Variants in MAN1A1 observed in about 807,000 individuals in gnomAD.
MAN1A1 encodes mannosidase alpha class 1A member 1.
A neutral mutation model predicts 70.8 loss-of-function variants in MAN1A1; 29 were observed. That is an observed-to-expected ratio of 0.41 (90% CI 0.31 to 0.56). The LOEUF is 0.56. MAN1A1 is among the 20% of genes least tolerant of loss of function. The pLI, the probability that MAN1A1 is intolerant of heterozygous loss-of-function variation, is 0.29. For missense variants in MAN1A1, 747 were observed against 841.3 expected, an observed-to-expected ratio of 0.89 and a Z score of 1.39; for synonymous variants, 349 against 330.1, an observed-to-expected ratio of 1.06 and a Z score of -0.62.
At chr6:119,200,101 A>T (rs1204717064) in intron 8 of MAN1A1, among the ~76,000 whole-genome samples, 1 of 152,226 alleles carries the variant, frequency 6.6e-6, no homozygotes, top group Non-Finnish European at 1.5e-5. Context: ...AGAGGCAGAA[A>T]GAGAGATGAG....
At chr6:119,182,687 T>C (rs1773184302) in intron 11 of MAN1A1, among the ~76,000 whole-genome samples, 1 of 152,192 alleles carries the variant, frequency 6.6e-6, no homozygotes, top group Non-Finnish European at 1.5e-5. Context: ...CCATCTGCAA[T>C]CTGGTTCTCA....
chr6:119,342,219 A>G (rs195085), intron 2 of MAN1A1, among the ~76,000 whole-genome samples: 28,993 of 152,142 alleles, frequency 0.19, 3,188 homozygotes, highest in East Asian at 0.32. Flanking sequence ...GGTATGGAAG[A>G]TCTTTTTGAT....
intron 6 of MAN1A1, among the ~76,000 whole-genome samples, chr6:119,241,142 C>A (rs1240106149): frequency 6.6e-6 from 1 of 152,010 alleles, no homozygotes; most frequent in Non-Finnish European, 1.5e-5. Flanking sequence ...ACTTTCTAGT[C>A]TCACTGGATT....
chr6:119,298,807 A>C (rs548709547), intron 4 of MAN1A1, among the ~76,000 whole-genome samples: 83 of 152,110 alleles, frequency 5.5e-4, no homozygotes, highest in African/African-American at 2.0e-3. Context: ...CATGTTAGCC[A>C]GGATGGTCTT....
intron 11 of MAN1A1, among the ~76,000 whole-genome samples, chr6:119,185,351 A>C (rs1443504238): frequency 6.6e-6 from 1 of 152,156 alleles, no homozygotes; most frequent in East Asian, 1.9e-4. Flanking sequence ...TTCACATCTT[A>C]TTTGACATTA....
intron 5 of MAN1A1, among the ~76,000 whole-genome samples, chr6:119,279,523 A>C (rs9489657): frequency 0.041 from 6,278 of 152,256 alleles, 146 homozygotes; most frequent in African/African-American, 0.054. Context: ...ACTGTCCAGA[A>C]CCTCTACCAT....
chr6:119,210,955 C>G (rs936182173), intron 6 of MAN1A1: 1 of 436,246 alleles, frequency 2.3e-6, no homozygotes, highest in East Asian at 7.4e-5. Flanking sequence ...CATATTGAGT[C>G]TTTTTAAAAC....
chr6:119,290,787 A>C, intron 4 of MAN1A1, 24 bp from the exon 5 acceptor site: 1 of 1,405,164 alleles, frequency 7.1e-7, no homozygotes, highest in Non-Finnish European at 1.0e-6. Flanking sequence ...AAATTCAAAC[A>C]TGATGATAGT....
At chr6:119,302,198 A>C in intron 3 of MAN1A1, 95 bp from the exon 4 acceptor site, 1 of 595,490 alleles carries the variant, frequency 1.7e-6, no homozygotes. Flanking sequence ...GTAATGCTGG[A>C]TTTATTAATA....
At chr6:119,238,840 A>G (rs1351781640) in intron 6 of MAN1A1, among the ~76,000 whole-genome samples, 1 of 152,194 alleles carries the variant, frequency 6.6e-6, no homozygotes, top group East Asian at 1.9e-4. Context: ...TCAGGATAAA[A>G]GGGCAACATG....
chr6:119,246,073 A>G (rs1202526232), intron 6 of MAN1A1, among the ~76,000 whole-genome samples: 1 of 152,180 alleles, frequency 6.6e-6, no homozygotes. Context: ...TAAACAGTAA[A>G]GTTAAATATA....
intron 11 of MAN1A1, among the ~76,000 whole-genome samples, chr6:119,187,747 T>C (rs1405377127): frequency 3.3e-5 from 5 of 152,188 alleles, no homozygotes; most frequent in Non-Finnish European, 4.4e-5. Context: ...AGACAGACAT[T>C]GTTAGATGCA....
At chr6:119,223,161 A>G (rs991170111) in intron 6 of MAN1A1, among the ~76,000 whole-genome samples, 31 of 152,262 alleles carry the variant, frequency 2.0e-4, no homozygotes, top group African/African-American at 7.5e-4. Context: ...AGTGGAATTT[A>G]AAAATTTTCT....
At chr6:119,304,710 C>T (rs1214332197) in intron 3 of MAN1A1, among the ~76,000 whole-genome samples, 1 of 152,148 alleles carries the variant, frequency 6.6e-6, no homozygotes, top group Non-Finnish European at 1.5e-5. Context: ...ACCTGAAGAG[C>T]TCCCCAACGG....
chr6:119,269,983 C>CT (rs1286748808), intron 5 of MAN1A1, among the ~76,000 whole-genome samples: 1 of 152,140 alleles, frequency 6.6e-6, no homozygotes, highest in Non-Finnish European at 1.5e-5. Context: ...TTTAAACGTA[C>CT]TTAGTGGATT....
intron 2 of MAN1A1, among the ~76,000 whole-genome samples, chr6:119,344,902 C>A (rs1381928109): frequency 6.6e-6 from 1 of 152,056 alleles, no homozygotes; most frequent in East Asian, 1.9e-4. Context: ...TGTTTTAGAA[C>A]TGAGAGAAGA....
chr6:119,260,039 C>A (rs57230792), intron 5 of MAN1A1, among the ~76,000 whole-genome samples: 59 of 152,024 alleles, frequency 3.9e-4, no homozygotes, highest in Middle Eastern at 3.4e-3. Context: ...TGTTTTAAAC[C>A]CATCCCTACC....
intron 2 of MAN1A1, among the ~76,000 whole-genome samples, chr6:119,330,643 A>T (rs780847972): frequency 5.9e-5 from 9 of 152,062 alleles, no homozygotes; most frequent in Non-Finnish European, 1.2e-4. Flanking sequence ...ATAAAGTCTA[A>T]ACACCTGGTC....
chr6:119,247,113 TTC>T (rs1452360385), intron 6 of MAN1A1, among the ~76,000 whole-genome samples: 2 of 152,190 alleles, frequency 1.3e-5, no homozygotes, highest in Non-Finnish European at 2.9e-5. Flanking sequence ...ACTGATTAAT[TTC>T]ATGGTTTTAT....
Sources: gnomAD v4.1 joint callset for allele counts (sites outside exome capture counted in the v4.1 genomes callset) on GRCh38, gnomAD v4.1.1 for gene constraint, MANE v1.5 for transcripts, NCBI Gene and HGNC (gene_info 2026-07-23, HGNC 2026-07-21) for gene names.